Variants in ACOXL observed in about 807,000 individuals in gnomAD.
ACOXL encodes the protein acyl-CoA oxidase like, also known as acyl-coenzyme A oxidase-like protein.
ACOXL carries 70 observed loss-of-function variants against 71.9 expected under a neutral mutation model. The ratio of observed to expected loss-of-function variants is 0.97; its 90% CI spans 0.80 to 1.19. The LOEUF is 1.19. Ranked by LOEUF, ACOXL falls within the 50% of genes most tolerant of loss-of-function variation. The probability of loss-of-function intolerance (pLI) is 0.00; values close to 1 mark genes in which losing one functional copy is unlikely to be tolerated. For synonymous variants in ACOXL, 253 were observed against 281.6 expected, an observed-to-expected ratio of 0.90 and a Z score of 1.02; for missense variants, 703 against 736.3, an observed-to-expected ratio of 0.95 and a Z score of 0.52.
intron 12 of ACOXL, among the ~76,000 whole-genome samples, chr2:110,937,925 A>G (rs1399652199): frequency 2.0e-5 from 3 of 152,206 alleles, no homozygotes; most frequent in African/African-American, 4.8e-5. Flanking sequence ...CAAATGCTCA[A>G]CACATAGACT....
intron 9 of ACOXL, among the ~76,000 whole-genome samples, chr2:110,819,673 C>G (rs1262448246): frequency 6.6e-6 from 1 of 152,150 alleles, no homozygotes; most frequent in Admixed American, 6.5e-5. Flanking sequence ...ATTTTTTGAA[C>G]AATCCTCATT....
intron 1 of ACOXL, among the ~76,000 whole-genome samples, chr2:110,757,583 A>G (rs1679864940): frequency 6.6e-6 from 1 of 152,098 alleles, no homozygotes; most frequent in Non-Finnish European, 1.5e-5. Flanking sequence ...ACTTTTTAAT[A>G]ATCAACATTC....
chr2:110,900,311 G>T (rs12622400), intron 10 of ACOXL, among the ~76,000 whole-genome samples: 21,928 of 152,058 alleles, frequency 0.14, 1,735 homozygotes, highest in East Asian at 0.24. Flanking sequence ...TGCTTTTTGG[G>T]GAAAATTTAA....
At chr2:110,754,785 A>G (rs935762477) in intron 1 of ACOXL, among the ~76,000 whole-genome samples, 2 of 152,242 alleles carry the variant, frequency 1.3e-5, no homozygotes, top group African/African-American at 4.8e-5. Flanking sequence ...AAGCTGCTGT[A>G]AACATTTATG....
At chr2:110,893,379 C>CA (rs1007428475) in intron 10 of ACOXL, among the ~76,000 whole-genome samples, 45 of 151,092 alleles carry the variant, frequency 3.0e-4, no homozygotes, top group African/African-American at 1.0e-3. Flanking sequence ...TATTAATAAT[C>CA]AAAAAAAGGC....
intron 12 of ACOXL, chr2:110,967,709 T>C (rs767675036): frequency 1.2e-4 from 49 of 419,732 alleles, no homozygotes; most frequent in Non-Finnish European, 1.9e-4. Context: ...TTCAACACAT[T>C]TATTTCAATG....
intron 17 of ACOXL, among the ~76,000 whole-genome samples, chr2:111,116,915 C>T (rs2070396554): frequency 6.6e-6 from 1 of 152,190 alleles, no homozygotes; most frequent in Non-Finnish European, 1.5e-5. Context: ...CTCTCCTATC[C>T]GCCGGGAATG....
intron 12 of ACOXL, among the ~76,000 whole-genome samples, chr2:110,984,276 C>T (rs2062836835): frequency 6.6e-6 from 1 of 152,098 alleles, no homozygotes. Context: ...TACACACACA[C>T]ATATATACTA....
intron 14 of ACOXL, among the ~76,000 whole-genome samples, chr2:111,011,349 A>C (rs551526557): frequency 1.3e-5 from 2 of 152,214 alleles, no homozygotes; most frequent in Non-Finnish European, 2.9e-5. Flanking sequence ...AAATCAAAGG[A>C]GAAGGACTAC....
At chr2:111,082,878 T>C (rs775516433) in intron 16 of ACOXL, among the ~76,000 whole-genome samples, 2 of 152,238 alleles carry the variant, frequency 1.3e-5, no homozygotes, top group Non-Finnish European at 1.5e-5. Flanking sequence ...GTTAATGAAC[T>C]TTTCAGGGAC....
At chr2:110,956,791 C>T (rs749102786) in intron 12 of ACOXL, among the ~76,000 whole-genome samples, 5 of 152,148 alleles carry the variant, frequency 3.3e-5, no homozygotes, top group African/African-American at 7.2e-5. Context: ...GTGAAAAATT[C>T]AGTGATGTTA....
intron 14 of ACOXL, among the ~76,000 whole-genome samples, chr2:111,004,395 G>GT (rs1405182138): frequency 6.6e-6 from 1 of 152,234 alleles, no homozygotes; most frequent in African/African-American, 2.4e-5. Flanking sequence ...CAAGGTCAAA[G>GT]TTGGAGAGTC....
intron 10 of ACOXL, among the ~76,000 whole-genome samples, chr2:110,885,276 A>G (rs1697140381): frequency 1.3e-5 from 2 of 152,198 alleles, no homozygotes; most frequent in Admixed American, 1.3e-4. Context: ...TCTGAGGAGA[A>G]CCAGGCCCTT....
At chr2:111,023,411 G>A (rs1477676244) in intron 14 of ACOXL, among the ~76,000 whole-genome samples, 1 of 152,150 alleles carries the variant, frequency 6.6e-6, no homozygotes, top group Non-Finnish European at 1.5e-5. Context: ...GCAGAGGATT[G>A]TGCACTCCCT....
intron 11 of ACOXL, among the ~76,000 whole-genome samples, chr2:110,930,891 T>C (rs1400089060): frequency 2.6e-5 from 4 of 152,220 alleles, no homozygotes; most frequent in Non-Finnish European, 5.9e-5. Context: ...ATTAAACCTT[T>C]TTGCTTTATA....
chr2:110,871,606 TCACTGC>T (rs1168089136), intron 10 of ACOXL, among the ~76,000 whole-genome samples: 1 of 152,074 alleles, frequency 6.6e-6, no homozygotes, highest in African/African-American at 2.4e-5. Context: ...GGGTCTTACA[TCACTGC>T]TACTAAGGTG....
intron 16 of ACOXL, among the ~76,000 whole-genome samples, chr2:111,061,469 T>G (rs1179367566): frequency 1.3e-5 from 2 of 151,958 alleles, no homozygotes; most frequent in Non-Finnish European, 2.9e-5. Context: ...ATTAGCTTGA[T>G]TACCCAAATA....
chr2:110,899,573 C>T (rs1486921689), intron 10 of ACOXL, among the ~76,000 whole-genome samples: 1 of 152,198 alleles, frequency 6.6e-6, no homozygotes, highest in East Asian at 1.9e-4. Context: ...TGCAAGATCT[C>T]TGCAGTGGTG....
intron 10 of ACOXL, among the ~76,000 whole-genome samples, chr2:110,847,894 C>T (rs531676040): frequency 4.6e-5 from 7 of 152,282 alleles, no homozygotes; most frequent in South Asian, 4.1e-4. Flanking sequence ...AGACTGTGCT[C>T]GTGTTTTTGT....
Sources: allele counts gnomAD v4.1 joint callset (sites outside exome capture counted in the v4.1 genomes callset), GRCh38; gene constraint gnomAD v4.1.1; transcripts MANE v1.5; gene names NCBI Gene and HGNC (gene_info 2026-07-23, HGNC 2026-07-21).